Variants in KCNJ6 observed in about 807,000 individuals in gnomAD.
KCNJ6 encodes G protein-activated inward rectifier potassium channel 2.
Under a neutral mutation model 34.2 loss-of-function variants are expected in KCNJ6, and 9 were observed. That is an observed-to-expected ratio of 0.26 (90% confidence interval 0.16 to 0.46). The LOEUF is 0.46. Ranked by LOEUF, KCNJ6 falls within the 20% of genes least tolerant of loss-of-function variation. The probability of loss-of-function intolerance (pLI) is 1.00; values close to 1 mark genes in which losing one functional copy is unlikely to be tolerated. For missense variants in KCNJ6, 236 were observed against 531.3 expected, an observed-to-expected ratio of 0.44 and a Z score of 5.46; for synonymous variants, 196 against 207.1, an observed-to-expected ratio of 0.95 and a Z score of 0.46.
At chr21:37,818,538 T>G (rs1201047879) in intron 2 of KCNJ6, among the ~76,000 whole-genome samples, 1 of 152,058 alleles carries the variant, frequency 6.6e-6, no homozygotes, top group Non-Finnish European at 1.5e-5. Flanking sequence ...CCACATCCCC[T>G]CCTCCCATGT....
rs189963454 is a variant in KCNJ6, at chr21:37,635,283, A to T, written c.947-9799T>A. Among the ~76,000 whole-genome samples the T allele has an allele frequency of 4.6e-5, 7 of 151,850 alleles. No homozygotes were observed. In the East Asian group the frequency reaches 9.7e-4, roughly 21 times the overall value. On this transcript the variant is annotated intron_variant, in intron 3 of 3. Transcript: ENST00000609713. ...GCCCAGGCTGGAGTGCAGTGGTGTG[A>T]TCTGGGCTTACTGCAACCTCCGCCT...
At position 37,645,017 on chromosome 21, in the gene KCNJ6, G is replaced by GTTTT. The variant is rs71198881; in HGVS notation, c.947-19537_947-19534dup. On this transcript the variant is annotated intron_variant, in intron 3 of 3. Transcript: ENST00000609713. ...TCACTGGTTGCAAGAAAACAGGTGGGTTTTTTTTTTTTTTTTTTGTGAAAA... is the reference window on the plus strand; with the variant it reads ...TCACTGGTTGCAAGAAAACAGGTGGGTTTTTTTTTTTTTTTTTTTTTTGTGAAAA... Among the ~76,000 whole-genome samples, 60 of 130,816 alleles carry GTTTT rather than the reference G, an allele frequency of 4.6e-4. 1 individual carries two copies. The highest frequency in any genetic ancestry group is 1.1e-3 in the East Asian group (5 of 4,512). The allele number at this position is 130,816 out of a possible 152,430, so 85.8% of individuals were successfully genotyped here.
chr21:37,696,668 T>C (rs1185228517), intron 3 of KCNJ6, among the ~76,000 whole-genome samples: 1 of 152,218 alleles, frequency 6.6e-6, no homozygotes, highest in Non-Finnish European at 1.5e-5. Context: ...GATGCTACTA[T>C]ATCAGATTAG....
intron 2 of KCNJ6, among the ~76,000 whole-genome samples, chr21:37,767,730 T>A (rs1490939713): frequency 6.6e-6 from 1 of 152,202 alleles, no homozygotes; most frequent in East Asian, 1.9e-4. Flanking sequence ...ACTGAAGAAA[T>A]ATTCTTTCAG....
At chr21:37,685,226 G>A (rs2054607951) in intron 3 of KCNJ6, among the ~76,000 whole-genome samples, 1 of 152,090 alleles carries the variant, frequency 6.6e-6, no homozygotes, top group African/African-American at 2.4e-5. Flanking sequence ...AAAGATCAAT[G>A]AGTTGTTTCT....
chr21:37,771,219 A>G (rs2055116320), intron 2 of KCNJ6, among the ~76,000 whole-genome samples: 1 of 152,182 alleles, frequency 6.6e-6, no homozygotes, highest in Non-Finnish European at 1.5e-5. Context: ...ACAAATATAG[A>G]TGCTGCTGTG....
Position 37,709,073 on chromosome 21 carries a change from G to C in KCNJ6, c.946+5138C>G, listed in dbSNP as rs189919336. Reference sequence around the variant, plus strand: ...TGTGGTACATCTCATTCTGATACATGGTTGTTTAAAATTCATGTCAATGTC... The same window carrying C: ...TGTGGTACATCTCATTCTGATACATCGTTGTTTAAAATTCATGTCAATGTC... On this transcript the variant is annotated intron_variant, in intron 3 of 3. Coordinates refer to ENST00000609713, the MANE Select transcript of KCNJ6 (RefSeq NM_002240.5). Among the ~76,000 whole-genome samples, 133 of 152,258 alleles carry C rather than the reference G, an allele frequency of 8.7e-4. 5 individuals carry two copies. In the South Asian group the frequency reaches 0.027, roughly 31 times the overall value.
rs2054233999 is a variant in KCNJ6 at position 37,609,129 on chromosome 21, A to G, written c.*16030T>C. The G allele has an allele frequency of 6.6e-6, 1 of 152,236 alleles. No individual in the cohort carries two copies. The highest frequency in any genetic ancestry group is 1.5e-5 in the Non-Finnish European group (1 of 68,032). 9.4% of individuals were successfully genotyped at this position (152,236 alleles called of 1,614,324 possible). On this transcript the variant is annotated 3_prime_UTR_variant, in exon 4 of 4. Transcript: ENST00000609713. ...CTGGAGACAAAGTTGAGGATCAAGT[A>G]TCATCTGTGCTTCATTTCTTTTGGG...
intron 2 of KCNJ6, chr21:37,719,247 G>A (rs117871113): frequency 0.015 from 2,284 of 153,188 alleles, 28 homozygotes; most frequent in South Asian, 0.034. Context: ...AGGGAGCGGC[G>A]GCTCAGCACT....
At chr21:37,761,053 G>A (rs1269564081) in intron 2 of KCNJ6, among the ~76,000 whole-genome samples, 3 of 152,294 alleles carry the variant, frequency 2.0e-5, no homozygotes, top group African/African-American at 7.2e-5. Context: ...ACTGGGCAGG[G>A]AAGCCTTGCC....
At chr21:37,793,156 G>A (rs1053847957) in intron 2 of KCNJ6, among the ~76,000 whole-genome samples, 4 of 152,216 alleles carry the variant, frequency 2.6e-5, no homozygotes, top group Non-Finnish European at 5.9e-5. Flanking sequence ...CATGGTTGAA[G>A]TGTTATTTCT....
intron 2 of KCNJ6, among the ~76,000 whole-genome samples, chr21:37,755,835 T>C (rs1041418178): frequency 6.6e-6 from 1 of 152,214 alleles, no homozygotes; most frequent in Non-Finnish European, 1.5e-5. Flanking sequence ...AGGCTGCCCC[T>C]TTCCCCAAGC....
intron 3 of KCNJ6, among the ~76,000 whole-genome samples, chr21:37,660,188 T>G (rs2054481685): frequency 6.6e-6 from 1 of 152,232 alleles, no homozygotes; most frequent in South Asian, 2.1e-4. Context: ...GGCACCTGCC[T>G]GGGCACACAC....
intron 2 of KCNJ6, among the ~76,000 whole-genome samples, chr21:37,725,628 G>C (rs1206790766): frequency 6.6e-6 from 1 of 152,196 alleles, no homozygotes; most frequent in Non-Finnish European, 1.5e-5. Flanking sequence ...ATTTAGAAAT[G>C]AAAATTCACC....
At chr21:37,733,397 A>G (rs1445171592) in intron 2 of KCNJ6, among the ~76,000 whole-genome samples, 1 of 152,102 alleles carries the variant, frequency 6.6e-6, no homozygotes, top group African/African-American at 2.4e-5. Flanking sequence ...GAGCTCTCGG[A>G]GATGGGCATT....
chr21:37,854,470 A>T (rs1269948798), intron 1 of KCNJ6, among the ~76,000 whole-genome samples: 1 of 152,216 alleles, frequency 6.6e-6, no homozygotes, highest in Non-Finnish European at 1.5e-5. Flanking sequence ...TAATGAGTAG[A>T]ACGGTAACCA....
intron 3 of KCNJ6, among the ~76,000 whole-genome samples, chr21:37,640,229 C>T (rs1448100925): frequency 6.6e-6 from 1 of 152,238 alleles, no homozygotes; most frequent in African/African-American, 2.4e-5. Flanking sequence ...TTACAGAGCA[C>T]AGTCTCCTCA....
At chr21:37,684,512 A>T (rs998260096) in intron 3 of KCNJ6, among the ~76,000 whole-genome samples, 5 of 152,216 alleles carry the variant, frequency 3.3e-5, no homozygotes, top group Non-Finnish European at 7.3e-5. Flanking sequence ...AATTTTGGGG[A>T]ACACAAACAG....
chr21:37,853,402 A>AT (rs149951788), intron 1 of KCNJ6, among the ~76,000 whole-genome samples: 22,740 of 151,450 alleles, frequency 0.15, 1,821 homozygotes, highest in African/African-American at 0.2. Flanking sequence ...GAAAAAAAAC[A>AT]TTTTCAGCTC....
Sources: gnomAD v4.1 joint callset for allele counts (sites outside exome capture counted in the v4.1 genomes callset) on GRCh38, gnomAD v4.1.1 for gene constraint, MANE v1.5 for transcripts, NCBI Gene and HGNC (gene_info 2026-07-23, HGNC 2026-07-21) for gene names.